Variants in TTC34 observed in about 807,000 individuals in gnomAD.
TTC34 encodes the protein tetratricopeptide repeat domain 34, also known as tetratricopeptide repeat protein 34.
TTC34 carries 44 observed loss-of-function variants against 40.7 expected under a neutral mutation model. The ratio of observed to expected loss-of-function variants is 1.08; its 90% confidence interval spans 0.85 to 1.39. The LOEUF (loss-of-function observed/expected upper bound fraction) is 1.39. TTC34 is among the 40% of genes most tolerant of loss of function. The probability of loss-of-function intolerance (pLI) is 0.00; values close to 1 mark genes in which losing one functional copy is unlikely to be tolerated. For synonymous variants in TTC34, 422 were observed against 398.6 expected (o/e 1.06, Z -0.70); for missense variants, 884 against 838.0 (o/e 1.05, Z -0.68).
chr1:2,648,364 A>G (rs1005999544), intron 6 of TTC34, among the ~76,000 whole-genome samples: 1 of 152,082 alleles, frequency 6.6e-6, no homozygotes, highest in Non-Finnish European at 1.5e-5. Context: ...TTGCTAGGGG[A>G]GGATTCGTTT....
At chr1:2,755,960 T>A (rs1641491258) in intron 6 of TTC34, among the ~76,000 whole-genome samples, 1 of 75,202 alleles carries the variant, frequency 1.3e-5, no homozygotes, top group Non-Finnish European at 2.3e-5. Context: ...GGTGAGGATC[T>A]GACAGCCTGG....
chr1:2,754,767 C>T (rs1641447859), intron 6 of TTC34, among the ~76,000 whole-genome samples: 1 of 151,220 alleles, frequency 6.6e-6, no homozygotes, highest in Non-Finnish European at 1.5e-5. Flanking sequence ...TGGTCTGGAG[C>T]AGCACCCACA....
intron 6 of TTC34, among the ~76,000 whole-genome samples, chr1:2,648,226 C>G: frequency 6.6e-6 from 1 of 152,078 alleles, no homozygotes; most frequent in African/African-American, 2.4e-5. Context: ...TGGTTTTGCG[C>G]TGGGCTCTGT....
intron 6 of TTC34, among the ~76,000 whole-genome samples, chr1:2,666,319 CGGCACCCACACCCCCAGGCG>C: frequency 2.2e-5 from 1 of 46,330 alleles, no homozygotes; most frequent in Non-Finnish European, 4.4e-5. Context: ...CGGCCTGGAA[CGGCACCCACACCCCCAGGCG>C]AGCATCGGAC....
At chr1:2,800,700 A>C (rs1486122688) in exon 2 of TTC34, 1 of 398,406 alleles carries the variant, frequency 2.5e-6, no homozygotes, top group Non-Finnish European at 4.4e-6. Flanking sequence ...CACACTCTGC[A>C]GGGCTGAGGG....
chr1:2,644,441 G>C, exon 8 of TTC34: 3 of 1,535,274 alleles, frequency 2.0e-6, no homozygotes, highest in Non-Finnish European at 2.6e-6. Flanking sequence ...CACGGTGCAG[G>C]GCTTTTTCCA....
chr1:2,644,219 G>A (rs1183754697), intron 8 of TTC34, 45 bp downstream of exon 8: 2 of 1,507,810 alleles, frequency 1.3e-6, no homozygotes, highest in Admixed American at 2.0e-5. Context: ...ATGCCTGTGT[G>A]CTGGGGAAGG....
chr1:2,699,349 C>A (rs551612047), intron 6 of TTC34, among the ~76,000 whole-genome samples: 1 of 122,348 alleles, frequency 8.2e-6, no homozygotes, highest in African/African-American at 2.7e-5. Flanking sequence ...GAGCATCTGA[C>A]AGCCTGGAAC....
At chr1:2,686,483 C>G (rs1242287521) in intron 6 of TTC34, among the ~76,000 whole-genome samples, 1 of 130,260 alleles carries the variant, frequency 7.7e-6, no homozygotes, top group Non-Finnish European at 1.6e-5. Context: ...ACCCACATGC[C>G]CAGCTGAGCC....
At chr1:2,790,189 C>G (rs895588005) in exon 3 of TTC34, 1 of 398,484 alleles carries the variant, frequency 2.5e-6, no homozygotes, top group Non-Finnish European at 4.4e-6. Context: ...GGACGCGCTC[C>G]TGGTCCTGGA....
chr1:2,755,590 C>A (rs1394349237), intron 6 of TTC34, among the ~76,000 whole-genome samples: 2 of 85,084 alleles, frequency 2.4e-5, no homozygotes, highest in Non-Finnish European at 4.5e-5. Context: ...CACCTCCCGG[C>A]GAGCATCCGA....
intron 6 of TTC34, among the ~76,000 whole-genome samples, chr1:2,684,871 C>T (rs1000747543): frequency 7.8e-6 from 1 of 128,406 alleles, no homozygotes; most frequent in South Asian, 2.5e-4. Flanking sequence ...TGGAGCAGCA[C>T]CCACACCCCA....
At chr1:2,694,867 C>G (rs1391322251) in intron 6 of TTC34, among the ~76,000 whole-genome samples, 2 of 97,992 alleles carry the variant, frequency 2.0e-5, no homozygotes, top group Admixed American at 9.9e-5. Flanking sequence ...GAGCAGCACC[C>G]ACAACCACAG....
At position 2,687,474 on chromosome 1, in the gene TTC34, C is replaced by A. The variant is rs1409816782; in HGVS notation, c.2227-41911G>T. 8.8e-5 allele frequency among the ~76,000 whole-genome samples: 13 copies of A among 147,622 alleles called. 1 individual carries two copies. Among genetic ancestry groups the A allele is most frequent in the Non-Finnish European group, 5.9e-5 (4 of 67,838 alleles). ...CAGGTGAGCATCCGACAGCCTGGAA[C>A]AGCACCCACACACTCAGGCGAGCAT... On this transcript the variant is annotated intron_variant, in intron 6 of 8. Coordinates refer to ENST00000401095, the Ensembl canonical transcript of TTC34.
intron 6 of TTC34, among the ~76,000 whole-genome samples, chr1:2,687,209 C>A (rs558251083): frequency 6.3e-4 from 35 of 55,814 alleles, no homozygotes; most frequent in African/African-American, 1.9e-3. Context: ...CCACACCTCC[C>A]GGCGAGCATC....
chr1:2,641,884 C>A (rs1638915183), exon 9 of TTC34: 1 of 1,483,874 alleles, frequency 6.7e-7, no homozygotes, highest in Non-Finnish European at 8.9e-7. Context: ...TGCCGGCTTC[C>A]TGGGCCGCCG....
At chr1:2,644,522 A>G in intron 7 of TTC34, 44 bp from the exon 8 acceptor site, 10 of 1,502,402 alleles carry the variant, frequency 6.7e-6, no homozygotes, top group Non-Finnish European at 8.9e-6. Flanking sequence ...GGGGTTGGGC[A>G]GAGGTGCGAG....
intron 6 of TTC34, among the ~76,000 whole-genome samples, chr1:2,652,156 A>T (rs56258540): frequency 4.2e-3 from 5 of 1,186 alleles, no homozygotes; most frequent in African/African-American, 6.5e-3. Flanking sequence ...CCTGGAACAC[A>T]ACCCACACCC....
chr1:2,789,474 G>A, intron 3 of TTC34, 29 bp downstream of exon 3: 1 of 1,498,466 alleles, frequency 6.7e-7, no homozygotes, highest in Non-Finnish European at 8.9e-7. Context: ...AGGAAGCAGC[G>A]GCCCCAGCGT....
Sources: gnomAD v4.1 joint callset for allele counts (sites outside exome capture counted in the v4.1 genomes callset) on GRCh38, gnomAD v4.1.1 for gene constraint, MANE v1.5 for transcripts, NCBI Gene and HGNC (gene_info 2026-07-23, HGNC 2026-07-21) for gene names.